The following EHBP1 variants were observed in gnomAD, a reference collection of about 807,000 sequenced individuals.
EHBP1 encodes EH domain-binding protein 1.
A neutral mutation model predicts 144.0 loss-of-function variants in EHBP1; 55 were observed. The ratio of observed to expected loss-of-function variants is 0.38; its 90% confidence interval spans 0.31 to 0.48. The LOEUF (loss-of-function observed/expected upper bound fraction) is 0.48. Among genes scored for constraint, EHBP1 ranks in the 20% least tolerant of loss-of-function variants. The pLI, the probability that EHBP1 is intolerant of heterozygous loss-of-function variation, is 0.98. For missense variants in EHBP1, 1,200 were observed against 1,364.2 expected (o/e 0.88, Z 1.90); for synonymous variants, 469 against 472.7 (o/e 0.99, Z 0.10).
chr2:62,840,099 C>A (rs2047676729), intron 7 of EHBP1, among the ~76,000 whole-genome samples: 2 of 151,454 alleles, frequency 1.3e-5, no homozygotes, highest in Admixed American at 1.3e-4. Flanking sequence ...TACTACAAGG[C>A]TACAGTAACC....
At chr2:62,943,954 CA>C in intron 12 of EHBP1, 104 bp downstream of exon 12, 2 of 733,794 alleles carry the variant, frequency 2.7e-6, no homozygotes, top group Non-Finnish European at 4.5e-6. Context: ...GTCATAACTA[CA>C]ACTCACAGAG....
intron 5 of EHBP1, among the ~76,000 whole-genome samples, chr2:62,807,001 G>A (rs1014060393): frequency 3.3e-5 from 5 of 152,124 alleles, no homozygotes; most frequent in Non-Finnish European, 7.3e-5. Context: ...CCACAGATAG[G>A]AAAAGTTGGC....
chr2:62,832,969 A>G (rs1222516087), intron 7 of EHBP1, among the ~76,000 whole-genome samples: 1 of 152,232 alleles, frequency 6.6e-6, no homozygotes, highest in Non-Finnish European at 1.5e-5. Context: ...CTTGTGCCAA[A>G]CAGTTAAACA....
chr2:62,999,952 A>G (rs187050526), intron 19 of EHBP1, among the ~76,000 whole-genome samples: 24 of 152,252 alleles, frequency 1.6e-4, no homozygotes, highest in African/African-American at 5.1e-4. Flanking sequence ...CAAGCCAGAC[A>G]AACCCACAAA....
At chr2:62,813,072 T>G (rs1235487683) in intron 5 of EHBP1, among the ~76,000 whole-genome samples, 3 of 152,188 alleles carry the variant, frequency 2.0e-5, no homozygotes, top group African/African-American at 7.2e-5. Context: ...CATCACAGGC[T>G]CAGAGCTCTA....
chr2:63,041,211 C>A (rs191463266), intron 21 of EHBP1, among the ~76,000 whole-genome samples: 1 of 152,190 alleles, frequency 6.6e-6, no homozygotes, highest in Non-Finnish European at 1.5e-5. Flanking sequence ...ATCACTTTGG[C>A]CTGTTTTTTA....
At chr2:62,764,060 T>A (rs922552703) in intron 3 of EHBP1, among the ~76,000 whole-genome samples, 5 of 152,132 alleles carry the variant, frequency 3.3e-5, no homozygotes, top group African/African-American at 4.8e-5. Context: ...ATGATATAAC[T>A]ATCTTGGCCC....
rs138570917 is a variant in EHBP1, at chr2:63,022,379, A to G, written c.3104-15156A>G. ...GCACAGGCTGGAGTGCAATGGCGCA[A>G]TCTCAGCTCACTGCAACCTCCACCT... On this transcript the variant is annotated intron_variant, in intron 19 of 22. Transcript: ENST00000431489. Among the ~76,000 whole-genome samples, 447 of 151,902 alleles carry G rather than the reference A, an allele frequency of 2.9e-3. 2 individuals carry two copies. In the Middle Eastern group the frequency reaches 0.031, roughly 10 times the overall value.
At chr2:62,802,355 C>G (rs1320953978) in intron 5 of EHBP1, among the ~76,000 whole-genome samples, 3 of 152,124 alleles carry the variant, frequency 2.0e-5, no homozygotes, top group Admixed American at 2.0e-4. Flanking sequence ...TGCAGCTAAA[C>G]ACTCTATGAT....
intron 19 of EHBP1, among the ~76,000 whole-genome samples, chr2:63,036,673 A>G (rs755149309): frequency 1.3e-5 from 2 of 152,008 alleles, no homozygotes; most frequent in Non-Finnish European, 2.9e-5. Flanking sequence ...GAAGGGAGAG[A>G]AAGGAAGCTA....
chr2:62,914,109 C>G (rs2054427982), intron 10 of EHBP1, among the ~76,000 whole-genome samples: 1 of 151,972 alleles, frequency 6.6e-6, no homozygotes, highest in Non-Finnish European at 1.5e-5. Context: ...GTAACCACAG[C>G]ATTTTAAAAA....
At chr2:62,906,994 A>T (rs1197466275) in intron 10 of EHBP1, among the ~76,000 whole-genome samples, 1 of 152,178 alleles carries the variant, frequency 6.6e-6, no homozygotes, top group Non-Finnish European at 1.5e-5. Flanking sequence ...TCTTATTACT[A>T]AGTAGTATTT....
chr2:62,814,606 C>G (rs182922201), intron 5 of EHBP1, among the ~76,000 whole-genome samples: 49 of 152,298 alleles, frequency 3.2e-4, no homozygotes, highest in African/African-American at 1.0e-3. Context: ...TGAACAGAAT[C>G]AGGCACTAGA....
At chr2:62,744,670 C>A (rs1475079987) in intron 2 of EHBP1, among the ~76,000 whole-genome samples, 1 of 152,124 alleles carries the variant, frequency 6.6e-6, no homozygotes, top group African/African-American at 2.4e-5. Context: ...ATTCTTGGAA[C>A]ATCAGGCATA....
chr2:62,709,680 G>C (rs2034947874), intron 2 of EHBP1, among the ~76,000 whole-genome samples: 1 of 151,930 alleles, frequency 6.6e-6, no homozygotes, highest in Admixed American at 6.6e-5. Context: ...TATTAAATCA[G>C]GTCTTATGAT....
chr2:62,699,819 A>G (rs2034221620), intron 1 of EHBP1, among the ~76,000 whole-genome samples: 1 of 152,226 alleles, frequency 6.6e-6, no homozygotes, highest in Non-Finnish European at 1.5e-5. Flanking sequence ...AGTCCTGCCG[A>G]ATCACCAGTG....
intron 5 of EHBP1, among the ~76,000 whole-genome samples, chr2:62,781,512 A>T (rs932415968): frequency 2.0e-5 from 3 of 152,156 alleles, no homozygotes; most frequent in Non-Finnish European, 4.4e-5. Flanking sequence ...TAGTATATAT[A>T]TGGTAAAGGC....
intron 10 of EHBP1, among the ~76,000 whole-genome samples, chr2:62,889,919 C>T (rs867958776): frequency 1.0e-4 from 15 of 149,756 alleles, no homozygotes; most frequent in Non-Finnish European, 2.1e-4. Context: ...TTAGGATTGC[C>T]TTCGCTATTC....
intron 5 of EHBP1, among the ~76,000 whole-genome samples, chr2:62,807,403 C>G (rs977599512): frequency 2.0e-5 from 3 of 152,158 alleles, no homozygotes; most frequent in African/African-American, 7.2e-5. Context: ...ACAAAATTAG[C>G]TGGGTGCGGT....
Sources: gnomAD v4.1 joint callset for allele counts (sites outside exome capture counted in the v4.1 genomes callset) on GRCh38, gnomAD v4.1.1 for gene constraint, MANE v1.5 for transcripts, NCBI Gene and HGNC (gene_info 2026-07-23, HGNC 2026-07-21) for gene names.